RABGAP1L: variants seen among roughly 807,000 people sequenced by gnomAD.
RABGAP1L encodes the protein rab GTPase-activating protein 1-like.
A neutral mutation model predicts 137.7 loss-of-function variants in RABGAP1L; 63 were observed. The observed-to-expected ratio is 0.46, with a 90% CI of 0.37 to 0.56. The LOEUF (loss-of-function observed/expected upper bound fraction) is 0.56, where lower values mean the gene tolerates loss of function less well. RABGAP1L is among the 20% of genes least tolerant of loss of function. RABGAP1L has a pLI of 0.00. For synonymous variants in RABGAP1L, 431 were observed against 433.7 expected, an observed-to-expected ratio of 0.99 and a Z score of 0.08; for missense variants, 1,095 against 1,244.0, an observed-to-expected ratio of 0.88 and a Z score of 1.80.
chr1:174,280,543 T>C (rs910935069), intron 10 of RABGAP1L, among the ~76,000 whole-genome samples: 8 of 152,184 alleles, frequency 5.3e-5, no homozygotes, highest in African/African-American at 1.7e-4. Flanking sequence ...TCCCAAACTA[T>C]TTTTTCTTGG....
intron 13 of RABGAP1L, among the ~76,000 whole-genome samples, chr1:174,500,194 C>T (rs2149374317): frequency 6.6e-6 from 1 of 152,114 alleles, no homozygotes; most frequent in Middle Eastern, 3.4e-3. Flanking sequence ...ATTCTCCTGC[C>T]TCAGCTTTCA....
At chr1:174,639,646 A>T (rs1357662777) in intron 14 of RABGAP1L, among the ~76,000 whole-genome samples, 5 of 152,104 alleles carry the variant, frequency 3.3e-5, no homozygotes, top group Non-Finnish European at 5.9e-5. Flanking sequence ...TAACTAAAAC[A>T]GATGGTTCTA....
intron 3 of RABGAP1L, 152 bp downstream of exon 3, chr1:174,221,316 C>T: frequency 3.2e-6 from 2 of 625,914 alleles, no homozygotes; most frequent in Non-Finnish European, 5.2e-6. Flanking sequence ...CTGCCTATAT[C>T]TCTGCCTATA....
chr1:174,768,478 C>T (rs1370891756), intron 18 of RABGAP1L, among the ~76,000 whole-genome samples: 3 of 152,206 alleles, frequency 2.0e-5, no homozygotes, highest in Admixed American at 1.3e-4. Flanking sequence ...TATGACCCTC[C>T]TCTGGGAACA....
intron 19 of RABGAP1L, among the ~76,000 whole-genome samples, chr1:174,847,299 G>C (rs951720975): frequency 2.6e-5 from 4 of 151,624 alleles, no homozygotes; most frequent in African/African-American, 4.8e-5. Flanking sequence ...TTGCTCGTTA[G>C]TTGATGCAGT....
Position 174,775,780 on chromosome 1 carries a change from C to T in RABGAP1L, c.2211+23426C>T, listed in dbSNP as rs1353980348. Among the ~76,000 whole-genome samples, 6 of 152,102 alleles carry T rather than the reference C, an allele frequency of 3.9e-5. No individual in the cohort carries two copies. The East Asian group carries it at 5.8e-4, about 15-fold the overall frequency. On this transcript the variant is annotated intron_variant, in intron 18 of 25. Coordinates refer to ENST00000681986, the MANE Select transcript of RABGAP1L (RefSeq NM_001366446.1). ...TCATCTGCTCAAAGTCAAGAATACC[C>T]GGATGGTGCACATTCCTGATTTTCA...
At chr1:174,656,667 G>C (rs1037529777) in intron 14 of RABGAP1L, among the ~76,000 whole-genome samples, 1 of 152,114 alleles carries the variant, frequency 6.6e-6, no homozygotes, top group Admixed American at 6.5e-5. Flanking sequence ...GATTTGTCTG[G>C]TGATATTATT....
At chr1:174,399,478 A>G in intron 13 of RABGAP1L, among the ~76,000 whole-genome samples, 1 of 152,194 alleles carries the variant, frequency 6.6e-6, no homozygotes, top group East Asian at 1.9e-4. Flanking sequence ...AGGTTAGTTA[A>G]TGAAATGGTT....
rs879899535 is a variant in RABGAP1L, at chr1:174,378,980, G to A, written c.1559+7908G>A. On this transcript the variant is annotated intron_variant, in intron 12 of 25. Transcript: ENST00000681986. ...ATTTTTGTATAAGGTGTAAGGAAGG[G>A]ATCCAGTTTCAGCTTTCTACATATG... Among the ~76,000 whole-genome samples the A allele has an allele frequency of 7.8e-3, 1,023 of 131,320 alleles. 36 individuals are homozygous for A. The highest frequency in any genetic ancestry group is 0.012 in the Non-Finnish European group (752 of 63,406). 86.2% of individuals were successfully genotyped at this position (131,320 alleles called of 152,430 possible).
intron 19 of RABGAP1L, among the ~76,000 whole-genome samples, chr1:174,946,934 A>T (rs1202072896): frequency 2.9e-5 from 2 of 69,832 alleles, no homozygotes; most frequent in South Asian, 5.0e-4. Context: ...ATATATATAT[A>T]TATATATGTG....
intron 19 of RABGAP1L, among the ~76,000 whole-genome samples, chr1:174,921,437 C>T (rs985627275): frequency 1.3e-5 from 2 of 152,170 alleles, no homozygotes; most frequent in Admixed American, 6.5e-5. Context: ...TTACCATTAT[C>T]ACATGCTGAG....
intron 13 of RABGAP1L, among the ~76,000 whole-genome samples, chr1:174,408,683 T>C (rs1363430800): frequency 1.3e-5 from 2 of 152,184 alleles, no homozygotes; most frequent in African/African-American, 4.8e-5. Context: ...ACCAACAGTG[T>C]CTACGTGTTA....
chr1:174,269,087 C>T (rs913803945), intron 7 of RABGAP1L, among the ~76,000 whole-genome samples: 1 of 152,050 alleles, frequency 6.6e-6, no homozygotes, highest in Admixed American at 6.6e-5. Context: ...GGACTACATG[C>T]GCCCGCCACC....
intron 13 of RABGAP1L, among the ~76,000 whole-genome samples, chr1:174,536,442 T>C (rs7550472): frequency 0.35 from 53,600 of 151,848 alleles, 12,102 homozygotes; most frequent in African/African-American, 0.64. Flanking sequence ...TCTATGAAAT[T>C]TTGACACATT....
rs536303621 is a variant in RABGAP1L at position 174,932,266 on chromosome 1, A to T, written c.2341-25191A>T. 7.4e-4 allele frequency among the ~76,000 whole-genome samples: 110 copies of T among 148,684 alleles called. 1 individual carries two copies. Among genetic ancestry groups the T allele is most frequent in the Middle Eastern group, 3.5e-3 (1 of 286 alleles). On this transcript the variant is annotated intron_variant, in intron 19 of 25. Transcript: ENST00000681986. ...AATACTTCTTTGTTTTTTTTTTTTT[A>T]AAAGAAGAATGCTGAGCCTGATGCT...
rs186880241 is a variant in RABGAP1L, at chr1:174,522,102, G to T, written c.1711-115273G>T. On this transcript the variant is annotated intron_variant, in intron 13 of 25. Coordinates refer to ENST00000681986, the MANE Select transcript of RABGAP1L (RefSeq NM_001366446.1). ...TCAAAAAAAAAAAAAGTAGTAGTTG[G>T]TTTTCAAGATCCCATCCTCCTCATA... 3.4e-4 allele frequency among the ~76,000 whole-genome samples: 52 copies of T among 151,752 alleles called. No individual in the cohort carries two copies. The East Asian group carries it at 9.9e-3, about 29-fold the overall frequency.
chr1:174,654,431 TAC>T (rs1675810234), intron 14 of RABGAP1L, among the ~76,000 whole-genome samples: 1 of 152,220 alleles, frequency 6.6e-6, no homozygotes, highest in Non-Finnish European at 1.5e-5. Context: ...TTCTGTGAAG[TAC>T]TTTTATTCAT....
chr1:174,492,346 A>ACTT (rs1455508507), intron 13 of RABGAP1L, among the ~76,000 whole-genome samples: 1 of 117,102 alleles, frequency 8.5e-6, no homozygotes, highest in African/African-American at 5.9e-5. Flanking sequence ...ACGCCTGACT[A>ACTT]ATTTTTTTTT....
Position 174,702,163 on chromosome 1 carries a change from T to C in RABGAP1L, c.2076T>C (p.Ala692=). 1 of 1,612,364 alleles carries C rather than the reference T, an allele frequency of 6.2e-7. No individual in the cohort carries two copies. Among genetic ancestry groups the C allele is most frequent in the Non-Finnish European group, 8.5e-7 (1 of 1,179,130 alleles). The change falls in exon 17 of 26, where the codon GCT becomes GCC. Residue 692 remains alanine, a synonymous_variant. Transcript: ENST00000681986. ...ATTTTTCTGATCTGAACCTGGAAGC[T>C]CATATGTATGCATCCCAGTGGTTTC... ...HSHFSDLNLE[A]HMYASQWFLT... is the part of the protein sequence containing the mutation.
Sources: gnomAD v4.1 joint callset for allele counts (sites outside exome capture counted in the v4.1 genomes callset) on GRCh38, gnomAD v4.1.1 for gene constraint, MANE v1.5 for transcripts, NCBI Gene and HGNC (gene_info 2026-07-23, HGNC 2026-07-21) for gene names.